The following CHL1 variants were observed in gnomAD, a reference collection of about 807,000 sequenced individuals.
CHL1 encodes neural cell adhesion molecule L1-like protein.
Under a neutral mutation model 141.9 loss-of-function variants are expected in CHL1, and 96 were observed. The ratio of observed to expected loss-of-function variants is 0.68; its 90% CI spans 0.57 to 0.80. CHL1 has a LOEUF of 0.80. Among genes scored for constraint, CHL1 ranks in the 30% least tolerant of loss-of-function variants. CHL1 has a pLI of 0.00. For synonymous variants in CHL1, 613 were observed against 502.2 expected, an observed-to-expected ratio of 1.22 and a Z score of -2.95; for missense variants, 1,820 against 1,457.2, an observed-to-expected ratio of 1.25 and a Z score of -4.05.
At chr3:316,117 T>C (rs140360340) in intron 2 of CHL1, among the ~76,000 whole-genome samples, 165 of 152,142 alleles carry the variant, frequency 1.1e-3, no homozygotes, top group African/African-American at 3.8e-3. Context: ...AGTTGACCGG[T>C]GCCATCTTGT....
intron 5 of CHL1, among the ~76,000 whole-genome samples, chr3:335,240 AT>A (rs566639716): frequency 2.1e-3 from 320 of 152,322 alleles, no homozygotes; most frequent in Admixed American, 3.1e-3. Context: ...AATTTGTTCA[AT>A]TAAGGGTGCA....
intron 19 of CHL1, among the ~76,000 whole-genome samples, chr3:385,114 A>G (rs1488560778): frequency 2.6e-5 from 4 of 152,214 alleles, no homozygotes; most frequent in Admixed American, 2.6e-4. Context: ...TACTTAATTT[A>G]TAGTCTAAAA....
intron 1 of CHL1, among the ~76,000 whole-genome samples, chr3:200,923 C>A (rs1344115337): frequency 6.6e-6 from 1 of 152,130 alleles, no homozygotes; most frequent in Non-Finnish European, 1.5e-5. Flanking sequence ...CTAATTACTG[C>A]AGTTTATTTT....
chr3:310,958 T>G (rs1164564977), intron 2 of CHL1, among the ~76,000 whole-genome samples: 1 of 152,162 alleles, frequency 6.6e-6, no homozygotes, highest in Non-Finnish European at 1.5e-5. Context: ...TTTTCCAGAG[T>G]GTCGTGTAGT....
intron 2 of CHL1, among the ~76,000 whole-genome samples, chr3:280,914 C>A (rs757379392): frequency 9.3e-5 from 11 of 118,488 alleles, no homozygotes; most frequent in Non-Finnish European, 1.8e-4. Flanking sequence ...ACACATGCAC[C>A]ACACACACAC....
At chr3:313,691 T>C (rs74329221) in intron 2 of CHL1, among the ~76,000 whole-genome samples, 3,422 of 152,300 alleles carry the variant, frequency 0.022, 122 homozygotes, top group African/African-American at 0.078. Flanking sequence ...TCTATAATTG[T>C]CCAAAGTGAA....
intron 5 of CHL1, among the ~76,000 whole-genome samples, chr3:339,625 C>A (rs1356239966): frequency 2.0e-5 from 3 of 152,156 alleles, no homozygotes; most frequent in Non-Finnish European, 4.4e-5. Context: ...CTTGGAAGGT[C>A]CTTGAATTTA....
chr3:272,638 T>C (rs1695735271), intron 2 of CHL1, among the ~76,000 whole-genome samples: 1 of 152,204 alleles, frequency 6.6e-6, no homozygotes, highest in Non-Finnish European at 1.5e-5. Flanking sequence ...CGTAGAGTTG[T>C]TCACATTATG....
chr3:340,997 C>T, intron 6 of CHL1, 81 bp downstream of exon 6: 1 of 1,394,380 alleles, frequency 7.2e-7, no homozygotes, highest in Middle Eastern at 1.8e-4. Flanking sequence ...AATCCAAAGA[C>T]AAAATAAAAA....
chr3:313,883 A>G (rs1378319138), intron 2 of CHL1, among the ~76,000 whole-genome samples: 1 of 152,174 alleles, frequency 6.6e-6, no homozygotes, highest in Non-Finnish European at 1.5e-5. Flanking sequence ...TGTACTATAA[A>G]ATGGGCTTAC....
At chr3:360,174 A>C in intron 11 of CHL1, 110 bp from the exon 12 acceptor site, 1 of 1,175,296 alleles carries the variant, frequency 8.5e-7, no homozygotes, top group Non-Finnish European at 1.2e-6. Context: ...ACTATTAGTC[A>C]CCCTAAACTG....
At chr3:242,313 C>G (rs34828236) in intron 1 of CHL1, among the ~76,000 whole-genome samples, 57,742 of 151,324 alleles carry the variant, frequency 0.38, 12,162 homozygotes, top group East Asian at 0.53. Context: ...AATACAGAGA[C>G]TGGCTGAGCG....
intron 5 of CHL1, among the ~76,000 whole-genome samples, chr3:336,220 C>T (rs1367389231): frequency 1.3e-5 from 2 of 152,094 alleles, no homozygotes; most frequent in African/African-American, 2.4e-5. Context: ...AGGCATTGTA[C>T]TTCTTTGTTG....
At chr3:304,516 G>A (rs1419704299) in intron 2 of CHL1, among the ~76,000 whole-genome samples, 1 of 152,172 alleles carries the variant, frequency 6.6e-6, no homozygotes, top group African/African-American at 2.4e-5. Context: ...AGATTTTCTA[G>A]TTTATTTGCA....
chr3:319,591 CAAAAAAAA>C (rs35995557), intron 2 of CHL1, 84 bp from the exon 3 acceptor site: 17 of 304,362 alleles, frequency 5.6e-5, no homozygotes, highest in Admixed American at 1.3e-4. Flanking sequence ...ACTGCCAAAC[CAAAAAAAA>C]AAAAAAAAAA....
intron 26 of CHL1, among the ~76,000 whole-genome samples, 173 bp downstream of exon 26, chr3:399,321 T>C (rs1168612836): frequency 1.3e-5 from 2 of 152,202 alleles, no homozygotes; most frequent in African/African-American, 2.4e-5. Flanking sequence ...AAAGAAAATA[T>C]GTATGTTCTA....
At chr3:198,088 C>T (rs1044359331) in intron 1 of CHL1, 2 of 287,784 alleles carry the variant, frequency 6.9e-6, no homozygotes, top group South Asian at 2.9e-5. Context: ...GCCGCGCGGG[C>T]CCAGGTACCC....
intron 2 of CHL1, among the ~76,000 whole-genome samples, chr3:251,485 G>C (rs1010385773): frequency 6.6e-6 from 1 of 152,074 alleles, no homozygotes; most frequent in Non-Finnish European, 1.5e-5. Flanking sequence ...TGTTATCAGT[G>C]TCATCAACAT....
chr3:404,158 T>C (rs898764989), intron 27 of CHL1, among the ~76,000 whole-genome samples: 4 of 152,288 alleles, frequency 2.6e-5, no homozygotes, highest in Non-Finnish European at 5.9e-5. Flanking sequence ...GAAAATAGAA[T>C]GTAATAAACT....
Sources: allele counts gnomAD v4.1 joint callset (sites outside exome capture counted in the v4.1 genomes callset), GRCh38; gene constraint gnomAD v4.1.1; transcripts MANE v1.5; gene names NCBI Gene and HGNC (gene_info 2026-07-23, HGNC 2026-07-21).